The following GNA12 variants were observed in gnomAD, a reference collection of about 807,000 sequenced individuals.
GNA12 encodes the protein guanine nucleotide-binding protein subunit alpha-12.
Under a neutral mutation model 26.0 loss-of-function variants are expected in GNA12, and 9 were observed. That is an observed-to-expected ratio of 0.35 (90% CI 0.21 to 0.60). The LOEUF (loss-of-function observed/expected upper bound fraction) is 0.60. Among genes scored for constraint, GNA12 ranks in the 20% least tolerant of loss-of-function variants. The pLI is 0.78. For missense variants in GNA12, 405 were observed against 525.8 expected (o/e 0.77, Z 2.25); for synonymous variants, 264 against 219.6 (o/e 1.20, Z -1.79).
Position 2,731,172 on chromosome 7 carries a change from C to A in GNA12, c.*9G>T. The A allele has an allele frequency of 1.3e-6, 2 of 1,589,494 alleles. No homozygotes were observed. The highest frequency in any genetic ancestry group is 8.6e-7 in the Non-Finnish European group (1 of 1,163,388). Reference sequence around the variant, plus strand: ...TGCTCAACGACGACAAACCCCGGGGCTTCCTCGCTCACTGCAGCATGATGT... The same window carrying A: ...TGCTCAACGACGACAAACCCCGGGGATTCCTCGCTCACTGCAGCATGATGT... On this transcript the variant is annotated 3_prime_UTR_variant, in exon 4 of 4. Transcript: ENST00000275364. This position sits in a 1 kb window ranked among gnomAD's most constrained non-coding sequence, Gnocchi z 6.0.
chr7:2,774,660 C>T (rs879554835), intron 2 of GNA12, among the ~76,000 whole-genome samples: 3 of 152,228 alleles, frequency 2.0e-5, no homozygotes, highest in Non-Finnish European at 4.4e-5. Flanking sequence ...TGAGAACCTA[C>T]AGTCAACACG....
At chr7:2,775,598 C>G (rs1272831919) in intron 2 of GNA12, 1 of 152,244 alleles carries the variant, frequency 6.6e-6, no homozygotes, top group Non-Finnish European at 1.5e-5. Flanking sequence ...GGTCTATGGG[C>G]ATCTGCGAAA....
intron 2 of GNA12, among the ~76,000 whole-genome samples, chr7:2,735,732 T>C (rs980464948): frequency 3.9e-5 from 6 of 152,168 alleles, no homozygotes; most frequent in African/African-American, 1.4e-4. Flanking sequence ...TATCTGTGAC[T>C]CTCGGTCATC....
chr7:2,818,557 G>A (rs1793267844), intron 1 of GNA12, among the ~76,000 whole-genome samples: 2 of 152,198 alleles, frequency 1.3e-5, no homozygotes, highest in South Asian at 4.1e-4. Flanking sequence ...GAGGTCAGGA[G>A]TTCGAGACCA....
chr7:2,782,906 T>G, intron 2 of GNA12, among the ~76,000 whole-genome samples: 1 of 152,256 alleles, frequency 6.6e-6, no homozygotes, highest in East Asian at 1.9e-4. Context: ...AATACTTTGT[T>G]GCCTAACATA....
At chr7:2,752,866 A>G (rs1791104461) in intron 2 of GNA12, among the ~76,000 whole-genome samples, 1 of 152,216 alleles carries the variant, frequency 6.6e-6, no homozygotes, top group South Asian at 2.1e-4. Flanking sequence ...TATCAGAACC[A>G]GGGAACTGAC....
chr7:2,826,960 C>G (rs1489233406), intron 1 of GNA12, among the ~76,000 whole-genome samples: 1 of 152,196 alleles, frequency 6.6e-6, no homozygotes, highest in Non-Finnish European at 1.5e-5. Context: ...CATATTCACT[C>G]ACAACTTTCC....
chr7:2,836,006 T>C (rs1391315720), intron 1 of GNA12: 1 of 370,720 alleles, frequency 2.7e-6, no homozygotes, highest in Non-Finnish European at 5.2e-6. Context: ...AGCATAAACC[T>C]TGAAGCTGAT....
intron 2 of GNA12, among the ~76,000 whole-genome samples, chr7:2,784,872 T>G (rs1792319812): frequency 6.6e-6 from 1 of 152,270 alleles, no homozygotes; most frequent in Non-Finnish European, 1.5e-5. Flanking sequence ...GTTTATGTAT[T>G]CAAATCCATC....
At chr7:2,816,869 AT>A (rs1793230092) in intron 1 of GNA12, among the ~76,000 whole-genome samples, 1 of 152,196 alleles carries the variant, frequency 6.6e-6, no homozygotes, top group South Asian at 2.1e-4. Context: ...ATGATCAGGA[AT>A]GTGCAATGCA....
intron 2 of GNA12, among the ~76,000 whole-genome samples, chr7:2,769,384 G>T (rs780581968): frequency 1.3e-5 from 2 of 152,208 alleles, no homozygotes; most frequent in Admixed American, 1.3e-4. Flanking sequence ...TGTAAGCTAG[G>T]TATCTGTAAA....
chr7:2,825,263 C>T (rs1793458153), intron 1 of GNA12, among the ~76,000 whole-genome samples: 1 of 152,124 alleles, frequency 6.6e-6, no homozygotes, highest in Admixed American at 6.5e-5. Flanking sequence ...TCACTCTCTC[C>T]CCTCCCTCCC....
intron 2 of GNA12, chr7:2,775,479 C>T (rs992302012): frequency 1.3e-5 from 2 of 152,148 alleles, no homozygotes; most frequent in East Asian, 1.9e-4. Context: ...CCTTCTATCT[C>T]AGCCACAGCA....
chr7:2,804,355 A>G (rs548184559), intron 1 of GNA12, among the ~76,000 whole-genome samples: 1 of 152,364 alleles, frequency 6.6e-6, no homozygotes, highest in South Asian at 2.1e-4. Context: ...ACAGCTATAT[A>G]TAGACGGGTG....
rs1442290409 is a variant in GNA12 at position 2,733,499 on chromosome 7, C to T, written c.528G>A (p.Gly176=). 6.2e-7 allele frequency: 1 copy of T among 1,613,124 alleles called. No homozygotes were observed. Reference sequence around the variant, plus strand: ...TGTCCAGGAAGTACTTCACCGACTCCCCCTGTCAGGAAGGAAGAATATTCA... The same window carrying T: ...TGTCCAGGAAGTACTTCACCGACTCTCCCTGTCAGGAAGGAAGAATATTCA... ...AFSRRSEFQL[G]ESVKYFLDNL... Residue 176 remains glycine, a splice_region_variant and synonymous_variant, in exon 3 of 4, where the codon GGG becomes GGA. Transcript: ENST00000275364.
At chr7:2,784,558 G>C (rs1792313063) in intron 2 of GNA12, among the ~76,000 whole-genome samples, 1 of 152,178 alleles carries the variant, frequency 6.6e-6, no homozygotes, top group South Asian at 2.1e-4. Context: ...ATGTATGATA[G>C]TACCTACTTC....
intron 2 of GNA12, among the ~76,000 whole-genome samples, chr7:2,786,343 G>GAA (rs1792360928): frequency 6.6e-6 from 1 of 152,086 alleles, no homozygotes; most frequent in Non-Finnish European, 1.5e-5. Context: ...AAGGGAGTTG[G>GAA]AAAAAACGGG....
At chr7:2,761,511 A>AAACC (rs1791554472) in intron 2 of GNA12, among the ~76,000 whole-genome samples, 1 of 152,248 alleles carries the variant, frequency 6.6e-6, no homozygotes, top group Non-Finnish European at 1.5e-5. Flanking sequence ...GCAATTCAGG[A>AAACC]TGACTAAAAA....
intron 2 of GNA12, among the ~76,000 whole-genome samples, chr7:2,768,616 A>G (rs1242915534): frequency 6.6e-6 from 1 of 151,914 alleles, no homozygotes; most frequent in Non-Finnish European, 1.5e-5. Context: ...GTACATTTAG[A>G]AAATTAATTC....
Sources: gnomAD v4.1 joint callset for allele counts (sites outside exome capture counted in the v4.1 genomes callset) on GRCh38, gnomAD v4.1.1 for gene constraint, Gnocchi (gnomAD v3.1) non-coding constraint, MANE v1.5 for transcripts, NCBI Gene and HGNC (gene_info 2026-07-23, HGNC 2026-07-21) for gene names.